The following PEX11G variants were observed in gnomAD, a reference collection of about 807,000 sequenced individuals.
PEX11G encodes the protein peroxisomal membrane protein 11C.
Under a neutral mutation model 22.5 loss-of-function variants are expected in PEX11G, and 20 were observed. That is an observed-to-expected ratio of 0.89 (90% confidence interval 0.62 to 1.29). The LOEUF is 1.29. Among genes scored for constraint, PEX11G ranks in the 50% most tolerant of loss-of-function variants. The pLI, the probability that PEX11G is intolerant of heterozygous loss-of-function variation, is 0.00. For missense variants in PEX11G, 347 were observed against 331.3 expected, an observed-to-expected ratio of 1.05 and a Z score of -0.37; for synonymous variants, 141 against 154.5, an observed-to-expected ratio of 0.91 and a Z score of 0.65.
Position 7,477,449 on chromosome 19 carries a change from G to C in PEX11G, c.492-13C>G, listed in dbSNP as rs115751177. Reference sequence around the variant, plus strand: ...CCGGGGCAGCGGGCTGTGGGGCAGAGAGGGGCCGCTTACACTCACGCTCAC... The same window carrying C: ...CCGGGGCAGCGGGCTGTGGGGCAGACAGGGGCCGCTTACACTCACGCTCAC... On this transcript the variant is annotated splice_polypyrimidine_tract_variant and intron_variant, in intron 4 of 4. Transcript: ENST00000221480. 3.5e-6 allele frequency: 5 copies of C among 1,420,536 alleles called. No homozygotes were observed. In the East Asian group the frequency reaches 1.4e-4, roughly 39 times the overall value. 88.0% of individuals were successfully genotyped at this position (1,420,536 alleles called of 1,614,324 possible). A position where few individuals can be genotyped will look rare whatever the true frequency, so the allele number is the denominator to read the frequency against.
chr19:7,481,053 G>A (rs1293362671), intron 3 of PEX11G, among the ~76,000 whole-genome samples: 4 of 152,102 alleles, frequency 2.6e-5, no homozygotes, highest in African/African-American at 9.7e-5. Context: ...AGGCCACTCC[G>A]CTGGCTGCTT....
Position 7,477,293 on chromosome 19 carries a change from C to T in PEX11G, c.635G>A (p.Trp212Ter). ...GATGGTGCCCATGAGGCCCACTAGCCACGGCGGGAAGCGGCCGGCCCACAG... is the reference window on the plus strand; with the variant it reads ...GATGGTGCCCATGAGGCCCACTAGCTACGGCGGGAAGCGGCCGGCCCACAG... ...GVLWAGRFPP[W>*]LVGLMGTISS... The change falls in exon 5 of 5, where the codon TGG (tryptophan) becomes TAG (stop). Residue 212 changes from tryptophan to a stop codon, truncating the protein, a stop_gained. Transcript: ENST00000221480. LOFTEE classifies it low-confidence loss of function (END_TRUNC). The T allele has an allele frequency of 6.3e-7, 1 of 1,578,448 alleles. No individual in the cohort carries two copies. Among genetic ancestry groups the T allele is most frequent in the Non-Finnish European group, 8.6e-7 (1 of 1,163,710 alleles).
intron 3 of PEX11G, among the ~76,000 whole-genome samples, chr19:7,481,275 C>T (rs370512647): frequency 1.1e-4 from 16 of 152,060 alleles, no homozygotes; most frequent in African/African-American, 3.9e-4. Context: ...TCTCGGCTCA[C>T]TGCAACCTCC....
intron 3 of PEX11G, 103 bp from the exon 4 acceptor site, chr19:7,478,479 C>G: frequency 4.9e-6 from 6 of 1,231,680 alleles, no homozygotes; most frequent in African/African-American, 1.5e-5. Flanking sequence ...TGCTGCATCT[C>G]GGATAAACGG....
At position 7,485,897 on chromosome 19, in the gene PEX11G, G is replaced by A. The variant is rs753775353; in HGVS notation, c.190C>T (p.Arg64Ter). 37 of 1,613,480 alleles carry A rather than the reference G, an allele frequency of 2.3e-5. No individual in the cohort carries two copies. Among genetic ancestry groups the A allele is most frequent in the South Asian group, 9.9e-5 (9 of 91,050 alleles). ...AACATGGCCAGGTCATCAAAGAGTC[G>A]CAAGATGGTCCTGCAGTGGCTGAGT... Reference protein sequence around the residue: ...TQLSHCRTILRLFDDLAMFVY... With the variant: ...TQLSHCRTIL The change falls in exon 2 of 5, where the codon CGA (arginine) becomes TGA (stop). Residue 64 changes from arginine (R) to a stop codon, truncating the protein, a stop_gained. Coordinates refer to ENST00000221480, the MANE Select transcript of PEX11G (RefSeq NM_080662.4). LOFTEE classifies it high-confidence loss of function.
At chr19:7,488,384 A>G (rs2021757467) in intron 1 of PEX11G, among the ~76,000 whole-genome samples, 1 of 152,212 alleles carries the variant, frequency 6.6e-6, no homozygotes, top group African/African-American at 2.4e-5. Flanking sequence ...CAACATCCCA[A>G]ATCCCAACAC....
In PEX11G at chr19:7,477,409, G is replaced by A. The variant is rs928939766; in HGVS notation, c.519C>T (p.Ala173=). 10 of 1,493,626 alleles carry A rather than the reference G, an allele frequency of 6.7e-6. No individual in the cohort carries two copies. Among genetic ancestry groups the A allele is most frequent in the Non-Finnish European group, 8.9e-6 (10 of 1,125,168 alleles). 92.5% of individuals were successfully genotyped at this position (1,493,626 alleles called of 1,614,324 possible). A position where few individuals can be genotyped will look rare whatever the true frequency, so the allele number is the denominator to read the frequency against. ...TSPLPRGKRR[A]MEAQMQSEAL... ...CCTCCGACTGCATCTGCGCCTCCAT[G>A]GCCCTCCGCTTGCCCCGGGGCAGCG... Residue 173 remains alanine (A), a synonymous_variant, in exon 5 of 5, where the codon GCC becomes GCT. Coordinates refer to ENST00000221480, the MANE Select transcript of PEX11G (RefSeq NM_080662.4).
rs143975899 is a variant in PEX11G, at chr19:7,482,365, G to T, written c.250-154C>A. Reference sequence around the variant, plus strand: ...GGCCCCGCGGGAGAAAGGCTCTGGGGCTGGGGTCCCCGCACAGGCCTGATT... The same window carrying T: ...GGCCCCGCGGGAGAAAGGCTCTGGGTCTGGGGTCCCCGCACAGGCCTGATT... On this transcript the variant is annotated intron_variant, in intron 2 of 4. Transcript: ENST00000221480. Among the ~76,000 whole-genome samples the T allele has an allele frequency of 5.4e-3, 819 of 152,334 alleles. 6 individuals carry two copies. The highest frequency in any genetic ancestry group is 0.019 in the African/African-American group (783 of 41,590).
upstream of PEX11G, among the ~76,000 whole-genome samples, chr19:7,490,426 T>G (rs919313701): frequency 2.0e-5 from 3 of 151,684 alleles, no homozygotes; most frequent in African/African-American, 4.8e-5. Flanking sequence ...GTTCACGCCA[T>G]TCTTCTGCCT....
chr19:7,479,668 C>T (rs1977397826), intron 3 of PEX11G, among the ~76,000 whole-genome samples: 1 of 152,214 alleles, frequency 6.6e-6, no homozygotes, highest in Non-Finnish European at 1.5e-5. Flanking sequence ...AACCACATGC[C>T]CGAAACAAGA....
Position 7,477,275 on chromosome 19 carries a change from C to T in PEX11G, c.653G>A (p.Gly218Asp). ...RFPPWLVGLMGTISSILSMYQ... is the reference protein window; with the variant it reads ...RFPPWLVGLMDTISSILSMYQ... ...CATGCTGAGGATTGAGGAGATGGTG[C>T]CCATGAGGCCCACTAGCCACGGCGG... is the stretch of plus-strand genomic sequence containing the variant. Residue 218 changes from glycine to aspartate, a missense_variant, in exon 5 of 5, where the codon GGC (glycine) becomes GAC (aspartate). By Grantham distance (94) the Gly-to-Asp change is moderately conservative. Coordinates refer to ENST00000221480, the MANE Select transcript of PEX11G (RefSeq NM_080662.4). 2.5e-6 allele frequency: 4 copies of T among 1,584,218 alleles called. No homozygotes were observed. The highest frequency in any genetic ancestry group is 3.4e-6 in the Non-Finnish European group (4 of 1,167,176).
At chr19:7,490,470 C>CCCG (rs1194158366), upstream of PEX11G, among the ~76,000 whole-genome samples, 1 of 150,118 alleles carries the variant, frequency 6.7e-6, no homozygotes, top group Non-Finnish European at 1.5e-5. Flanking sequence ...ACTACAGGCG[C>CCCG]CCGCCACCAC....
At chr19:7,493,909 CTTT>C (rs1362239751), upstream of PEX11G, among the ~76,000 whole-genome samples, 1 of 130,792 alleles carries the variant, frequency 7.6e-6, no homozygotes. Context: ...GGGGGTCACT[CTTT>C]TTTTTTTTTT....
At chr19:7,478,503 T>C (rs1977339165) in intron 3 of PEX11G, 127 bp from the exon 4 acceptor site, 1 of 968,584 alleles carries the variant, frequency 1.0e-6, no homozygotes, top group Admixed American at 2.0e-5. Context: ...GCCCTCTCCC[T>C]GCCCCCACAG....
rs201894408 is a variant in PEX11G at position 7,482,049 on chromosome 19, G to A, written c.412C>T (p.Leu138Phe). 230 of 1,602,060 alleles carry A rather than the reference G, an allele frequency of 1.4e-4. 1 individual carries two copies. The highest frequency in any genetic ancestry group is 4.4e-4 in the South Asian group (39 of 89,152). Residue 138 changes from leucine (L) to phenylalanine (F), a missense_variant, in exon 3 of 5, where the codon CTC becomes TTC. Leu to Phe is a conservative substitution (Grantham distance 22, BLOSUM62 0). Transcript: ENST00000221480. ...LSTTLWALSL[L>F]LGVARSLWML... ...GCCACTTACCTGGCAACCCCCAGGA[G>A]CAGAGAGAGGGCCCACAGGGTTGTA... is the stretch of plus-strand genomic sequence containing the variant.
intron 1 of PEX11G, among the ~76,000 whole-genome samples, chr19:7,487,572 A>G (rs749055980): frequency 2.0e-5 from 3 of 152,038 alleles, no homozygotes; most frequent in Non-Finnish European, 4.4e-5. Context: ...ACAGGCACGC[A>G]CCACCACATC....
At chr19:7,489,881 G>A (rs1328609314), upstream of PEX11G, among the ~76,000 whole-genome samples, 1 of 147,026 alleles carries the variant, frequency 6.8e-6, no homozygotes, top group African/African-American at 2.5e-5. Flanking sequence ...TTTTTGAGAC[G>A]GAGTCTTGCT....
intron 3 of PEX11G, among the ~76,000 whole-genome samples, chr19:7,481,052 C>T (rs892820714): frequency 3.3e-5 from 5 of 152,110 alleles, no homozygotes; most frequent in African/African-American, 9.7e-5. Flanking sequence ...AAGGCCACTC[C>T]GCTGGCTGCT....
At chr19:7,481,394 G>T (rs62109844) in intron 3 of PEX11G, among the ~76,000 whole-genome samples, 1,794 of 152,284 alleles carry the variant, frequency 0.012, 21 homozygotes, top group Non-Finnish European at 0.02. Flanking sequence ...TAGAGACAGG[G>T]TTTCACCATG....
Sources: gnomAD v4.1 joint callset for allele counts (sites outside exome capture counted in the v4.1 genomes callset) on GRCh38, gnomAD v4.1.1 for gene constraint, MANE v1.5 for transcripts, NCBI Gene and HGNC (gene_info 2026-07-23, HGNC 2026-07-21) for gene names.